ROBO1: variants seen among roughly 807,000 people sequenced by gnomAD.
ROBO1 encodes the protein roundabout homolog 1.
Under a neutral mutation model 195.9 loss-of-function variants are expected in ROBO1, and 149 were observed. That is an observed-to-expected ratio of 0.76 (90% CI 0.67 to 0.87). The LOEUF (loss-of-function observed/expected upper bound fraction) is 0.87, where lower values mean the gene tolerates loss of function less well. ROBO1 is among the 40% of genes least tolerant of loss of function. ROBO1 has a pLI of 0.00. For synonymous variants in ROBO1, 816 were observed against 733.2 expected (o/e 1.11, Z -1.82); for missense variants, 1,933 against 2,068.3 (o/e 0.93, Z 1.27).
rs1332302216 is a variant in ROBO1 at position 79,649,962 on chromosome 3, G to T, written c.-50-60001C>A. 3.3e-5 allele frequency among the ~76,000 whole-genome samples: 5 copies of T among 151,458 alleles called. No homozygotes were observed. In the East Asian group the frequency reaches 9.7e-4, roughly 29 times the overall value. On this transcript the variant is annotated intron_variant, in intron 1 of 30. Transcript: ENST00000464233. ...TAAAGGGAAATTTAGAATTTTACAA[G>T]GTTTTATGTGAAAAAAAATAGATAA...
chr3:79,368,222 T>C (rs749725952), intron 2 of ROBO1, among the ~76,000 whole-genome samples: 3 of 152,176 alleles, frequency 2.0e-5, no homozygotes, highest in Non-Finnish European at 2.9e-5. Flanking sequence ...CGTGAGCCAC[T>C]GCGTATGACC....
chr3:79,688,257 A>G (rs1947191425), intron 1 of ROBO1, among the ~76,000 whole-genome samples: 1 of 150,412 alleles, frequency 6.6e-6, no homozygotes, highest in East Asian at 2.0e-4. Context: ...ATTAGGAGAT[A>G]TACCTAATGT....
At chr3:79,473,502 C>T (rs1273939017) in intron 2 of ROBO1, among the ~76,000 whole-genome samples, 4 of 152,020 alleles carry the variant, frequency 2.6e-5, no homozygotes, top group Non-Finnish European at 5.9e-5. Context: ...CTCACCATCT[C>T]GAAAACTCGG....
At chr3:78,643,049 T>TA (rs1706063632) in intron 21 of ROBO1, among the ~76,000 whole-genome samples, 1 of 152,156 alleles carries the variant, frequency 6.6e-6, no homozygotes, top group East Asian at 1.9e-4. Context: ...ATTGCATTAT[T>TA]AAAAACCCAT....
chr3:79,097,515 G>T (rs1445509769), intron 3 of ROBO1, among the ~76,000 whole-genome samples: 1 of 151,814 alleles, frequency 6.6e-6, no homozygotes, highest in Non-Finnish European at 1.5e-5. Flanking sequence ...GTGGTGTTTT[G>T]TGTATGGAAA....
intron 2 of ROBO1, among the ~76,000 whole-genome samples, chr3:79,450,229 A>C (rs2107190786): frequency 6.6e-6 from 1 of 152,172 alleles, no homozygotes; most frequent in African/African-American, 2.4e-5. Context: ...CTGATGAAAG[A>C]GTCAAATTCC....
chr3:79,383,795 T>C (rs1001019084), intron 2 of ROBO1, among the ~76,000 whole-genome samples: 2 of 152,038 alleles, frequency 1.3e-5, no homozygotes, highest in African/African-American at 4.8e-5. Context: ...ATTAGATGAA[T>C]TGCCAGCGTA....
chr3:79,086,901 G>A (rs2079381081), intron 3 of ROBO1, among the ~76,000 whole-genome samples: 1 of 151,756 alleles, frequency 6.6e-6, no homozygotes. Flanking sequence ...CCTTTTATAG[G>A]AGCATTTTGG....
intron 2 of ROBO1, among the ~76,000 whole-genome samples, chr3:79,288,714 C>T (rs2635737): frequency 3.3e-5 from 5 of 152,160 alleles, no homozygotes; most frequent in Non-Finnish European, 1.5e-5. Context: ...CTTCACCCTT[C>T]TGCGCCTATA....
At chr3:78,796,920 T>C (rs1466079302) in intron 4 of ROBO1, among the ~76,000 whole-genome samples, 1 of 152,224 alleles carries the variant, frequency 6.6e-6, no homozygotes, top group Non-Finnish European at 1.5e-5. Context: ...AGTTATGATT[T>C]GTAATTTGAC....
chr3:79,645,339 A>C (rs1435270916), intron 1 of ROBO1, among the ~76,000 whole-genome samples: 2 of 151,798 alleles, frequency 1.3e-5, no homozygotes, highest in African/African-American at 2.4e-5. Flanking sequence ...TCATCTCAAC[A>C]AAAAATAAAA....
intron 3 of ROBO1, among the ~76,000 whole-genome samples, chr3:78,981,014 ATG>A (rs1407416853): frequency 1.3e-5 from 2 of 152,172 alleles, no homozygotes; most frequent in African/African-American, 4.8e-5. Flanking sequence ...TATGTGTTAT[ATG>A]TGTTAACTTA....
At chr3:79,196,391 G>C (rs1206148811) in intron 2 of ROBO1, among the ~76,000 whole-genome samples, 1 of 150,774 alleles carries the variant, frequency 6.6e-6, no homozygotes, top group Non-Finnish European at 1.5e-5. Flanking sequence ...GAGAGAGAGG[G>C]AGGGAGAGAG....
chr3:79,634,118 G>A lies in ROBO1; in HGVS notation c.-50-44157C>T, dbSNP rs532302047. ...AGAGAGAAGGCTGTTGCTAATAATTGTGAACAGTCTGATTATTTCAACAGG... is the reference window on the plus strand; with the variant it reads ...AGAGAGAAGGCTGTTGCTAATAATTATGAACAGTCTGATTATTTCAACAGG... On this transcript the variant is annotated intron_variant, in intron 1 of 30. Coordinates refer to ENST00000464233, the MANE Select transcript of ROBO1 (RefSeq NM_002941.4). Among the ~76,000 whole-genome samples the A allele has an allele frequency of 3.9e-5, 6 of 152,288 alleles. 1 individual carries two copies. The East Asian group carries it at 1.2e-3, about 29-fold the overall frequency.
intron 1 of ROBO1, among the ~76,000 whole-genome samples, chr3:79,743,730 T>C (rs1052477797): frequency 1.3e-5 from 2 of 152,210 alleles, no homozygotes; most frequent in Non-Finnish European, 2.9e-5. Flanking sequence ...TATTCAATTT[T>C]TGACATTTTT....
At chr3:78,751,871 G>T (rs1003433159) in intron 4 of ROBO1, among the ~76,000 whole-genome samples, 2 of 152,044 alleles carry the variant, frequency 1.3e-5, no homozygotes, top group Non-Finnish European at 2.9e-5. Context: ...TTAAATATGG[G>T]CAATTTAATT....
At chr3:79,300,950 G>A (rs576441306) in intron 2 of ROBO1, among the ~76,000 whole-genome samples, 9 of 151,996 alleles carry the variant, frequency 5.9e-5, no homozygotes, top group East Asian at 1.9e-4. Context: ...ACCAATCAGC[G>A]CCCTGTCAAA....
intron 2 of ROBO1, among the ~76,000 whole-genome samples, chr3:79,205,928 A>G (rs2081857793): frequency 6.6e-6 from 1 of 152,222 alleles, no homozygotes; most frequent in Non-Finnish European, 1.5e-5. Flanking sequence ...GATGATTTCT[A>G]GGTAGGTATG....
intron 5 of ROBO1, among the ~76,000 whole-genome samples, chr3:78,720,389 A>G (rs372640720): frequency 4.7e-4 from 71 of 152,352 alleles, no homozygotes; most frequent in African/African-American, 1.6e-3. Flanking sequence ...CCAAACCACA[A>G]TGAGATACCA....
Sources: allele counts gnomAD v4.1 joint callset (sites outside exome capture counted in the v4.1 genomes callset), GRCh38; gene constraint gnomAD v4.1.1; transcripts MANE v1.5; gene names NCBI Gene and HGNC (gene_info 2026-07-23, HGNC 2026-07-21).